RARB: variants seen among roughly 807,000 people sequenced by gnomAD.
RARB encodes HBV-activated protein.
RARB carries 17 observed loss-of-function variants against 51.9 expected under a neutral mutation model. The observed-to-expected ratio is 0.33, with a 90% CI of 0.22 to 0.49. The LOEUF (loss-of-function observed/expected upper bound fraction) is 0.49, where lower values mean the gene tolerates loss of function less well. RARB is among the 20% of genes least tolerant of loss of function. The probability of loss-of-function intolerance (pLI) is 0.99; values close to 1 mark genes in which losing one functional copy is unlikely to be tolerated. For synonymous variants in RARB, 215 were observed against 195.4 expected (o/e 1.10, Z -0.84); for missense variants, 369 against 550.8 (o/e 0.67, Z 3.30).
chr3:25,164,128 T>G (rs561124820), intron 4 of RARB, among the ~76,000 whole-genome samples: 1 of 152,274 alleles, frequency 6.6e-6, no homozygotes, highest in East Asian at 1.9e-4. Flanking sequence ...GGATACAGTC[T>G]GGCCACTGGG....
intron 5 of RARB, among the ~76,000 whole-genome samples, chr3:25,246,563 T>G (rs1459041924): frequency 6.6e-6 from 1 of 152,170 alleles, no homozygotes; most frequent in African/African-American, 2.4e-5. Context: ...GTTTTCCTTC[T>G]ATCAGTCAGG....
chr3:25,432,139 A>G (rs919901974), intron 1 of RARB, among the ~76,000 whole-genome samples: 2 of 152,232 alleles, frequency 1.3e-5, no homozygotes, highest in African/African-American at 2.4e-5. Context: ...AATCGCAAAG[A>G]GAGTACAGGC....
intron 2 of RARB, among the ~76,000 whole-genome samples, chr3:25,474,667 TTG>T (rs1695866590): frequency 6.6e-6 from 1 of 152,206 alleles, no homozygotes; most frequent in African/African-American, 2.4e-5. Context: ...AGTATGTTTG[TTG>T]TGTTGAGCTG....
At chr3:25,469,853 TA>T (rs1559419416) in intron 2 of RARB, among the ~76,000 whole-genome samples, 1 of 152,174 alleles carries the variant, frequency 6.6e-6, no homozygotes, top group Non-Finnish European at 1.5e-5. Flanking sequence ...CTAGGTGTGG[TA>T]AAAGGATTTA....
chr3:24,879,437 A>AAAAAAAT (rs1312797049), intron 2 of RARB, among the ~76,000 whole-genome samples: 1 of 151,410 alleles, frequency 6.6e-6, no homozygotes, highest in East Asian at 1.9e-4. Context: ...TCAAAATTAA[A>AAAAAAAT]AAAAAATAAA....
chr3:25,295,084 C>A (rs9844329), intron 5 of RARB, among the ~76,000 whole-genome samples: 38,080 of 152,112 alleles, frequency 0.25, 5,691 homozygotes, highest in African/African-American at 0.42. Context: ...TTACCACTTA[C>A]CGTGTAACTC....
At chr3:25,536,809 G>T (rs962463974) in intron 3 of RARB, among the ~76,000 whole-genome samples, 1 of 152,188 alleles carries the variant, frequency 6.6e-6, no homozygotes, top group Non-Finnish European at 1.5e-5. Flanking sequence ...GTGGCAGAGG[G>T]TTCTTCATGG....
intron 3 of RARB, among the ~76,000 whole-genome samples, chr3:25,096,215 A>G (rs1699289525): frequency 6.6e-6 from 1 of 152,144 alleles, no homozygotes; most frequent in East Asian, 1.9e-4. Flanking sequence ...TACTTGGGTT[A>G]GGTTTTGTTG....
chr3:24,971,836 A>C (rs1696404897), intron 2 of RARB, among the ~76,000 whole-genome samples: 1 of 151,994 alleles, frequency 6.6e-6, no homozygotes, highest in Non-Finnish European at 1.5e-5. Flanking sequence ...TGATTCTATG[A>C]CAAGCATTGG....
At chr3:25,204,552 G>T (rs1701482985) in intron 5 of RARB, among the ~76,000 whole-genome samples, 1 of 152,204 alleles carries the variant, frequency 6.6e-6, no homozygotes, top group African/African-American at 2.4e-5. Context: ...CCATCTGTGT[G>T]GTTTTATCTA....
rs1379563113 is a variant in RARB at position 25,520,449 on chromosome 3, C to CATAAAAAGGTCATT, written c.448+19127_448+19128insTAAAAAGGTCATTA. Among the ~76,000 whole-genome samples the CATAAAAAGGTCATT allele has an allele frequency of 4.6e-5, 7 of 152,204 alleles. No homozygotes were observed. The East Asian group carries it at 1.4e-3, about 29-fold the overall frequency. Reference sequence around the variant, plus strand: ...CTCCAAAATCTGGTCATTTTAGGTACAGGGAACATAAAAAGAGTTGGTTCC... The same window carrying CATAAAAAGGTCATT: ...CTCCAAAATCTGGTCATTTTAGGTACATAAAAAGGTCATTAGGGAACATAAAAAGAGTTGGTTCC... On this transcript the variant is annotated intron_variant, in intron 3 of 7. Coordinates refer to ENST00000330688, the MANE Select transcript of RARB (RefSeq NM_000965.5).
chr3:25,214,088 C>A (rs1701762763), intron 5 of RARB, among the ~76,000 whole-genome samples: 3 of 152,156 alleles, frequency 2.0e-5, no homozygotes, highest in Admixed American at 2.0e-4. Context: ...TCATAGTCAG[C>A]ATAGATAGAT....
chr3:25,389,460 T>C (rs559408961), intron 5 of RARB, among the ~76,000 whole-genome samples: 1 of 152,268 alleles, frequency 6.6e-6, no homozygotes, highest in South Asian at 2.1e-4. Context: ...AGTCTCAATT[T>C]CCTCATCAGT....
At position 25,011,844 on chromosome 3, in the gene RARB, T is replaced by C. The variant is rs562997902; in HGVS notation, c.-379-48281T>C. 7.9e-5 allele frequency among the ~76,000 whole-genome samples: 12 copies of C among 152,172 alleles called. No homozygotes were observed. The Middle Eastern group carries it at 0.014, about 173-fold the overall frequency. ...AAAGTAGGAATTTAAACTAATAGCA[T>C]AATCACTAAGCCATGGAGTTTGTCA... On this transcript the variant is annotated intron_variant, in intron 2 of 11. Coordinates refer to the RARB transcript ENST00000383772.
chr3:24,837,854 C>T (rs1446901018), intron 1 of RARB, among the ~76,000 whole-genome samples: 1 of 152,164 alleles, frequency 6.6e-6, no homozygotes, highest in East Asian at 1.9e-4. Flanking sequence ...GCCATGAAGC[C>T]TGTATTAGTT....
intron 1 of RARB, 41 bp from the exon 2 acceptor site, chr3:25,461,152 C>A: frequency 6.7e-7 from 1 of 1,502,590 alleles, no homozygotes; most frequent in Non-Finnish European, 8.9e-7. Context: ...AACTAAAATA[C>A]ATTTTCTCTT....
At chr3:24,945,467 G>C (rs1314573315) in intron 2 of RARB, among the ~76,000 whole-genome samples, 1 of 152,212 alleles carries the variant, frequency 6.6e-6, no homozygotes, top group Non-Finnish European at 1.5e-5. Context: ...GGGGATGGTT[G>C]ACTAGCATAT....
intron 2 of RARB, among the ~76,000 whole-genome samples, chr3:25,486,118 A>G (rs950515648): frequency 2.0e-5 from 3 of 152,166 alleles, no homozygotes; most frequent in East Asian, 1.9e-4. Context: ...TTTTGAGTCA[A>G]TGCAAAAAGG....
At chr3:25,192,554 G>A (rs750772867) in intron 5 of RARB, among the ~76,000 whole-genome samples, 5 of 152,014 alleles carry the variant, frequency 3.3e-5, no homozygotes, top group Non-Finnish European at 2.9e-5. Flanking sequence ...TTTACTCATC[G>A]TGTTTTCCAT....
Sources: gnomAD v4.1 joint callset for allele counts (sites outside exome capture counted in the v4.1 genomes callset) on GRCh38, gnomAD v4.1.1 for gene constraint, MANE v1.5 for transcripts, NCBI Gene and HGNC (gene_info 2026-07-23, HGNC 2026-07-21) for gene names.